The following SLC22A25 variants were observed in gnomAD, a reference collection of about 807,000 sequenced individuals.
SLC22A25 encodes solute carrier family 22 member 25.
SLC22A25 carries 44 observed loss-of-function variants against 45.9 expected under a neutral mutation model. The ratio of observed to expected loss-of-function variants is 0.96; its 90% CI spans 0.75 to 1.23. The LOEUF is 1.23. Among genes scored for constraint, SLC22A25 ranks in the 50% most tolerant of loss-of-function variants. The pLI is 0.00. For synonymous variants in SLC22A25, 283 were observed against 238.6 expected (o/e 1.19, Z -1.72); for missense variants, 800 against 666.4 (o/e 1.20, Z -2.21).
chr11:63,168,216 C>A (rs1288827248), intron 9 of SLC22A25, among the ~76,000 whole-genome samples: 1 of 152,126 alleles, frequency 6.6e-6, no homozygotes, highest in African/African-American at 2.4e-5. Context: ...GAGGAAAAAC[C>A]AGTGCAAAAA....
At chr11:63,230,881 A>G (rs1227323410) in intron 3 of SLC22A25, among the ~76,000 whole-genome samples, 2 of 151,888 alleles carry the variant, frequency 1.3e-5, no homozygotes, top group African/African-American at 4.8e-5. Context: ...ATTCCCACCT[A>G]TGAGTGAGAA....
rs1565073937 is a variant in SLC22A25 at position 63,180,705 on chromosome 11, CG to C, written c.1024del (p.Arg342AlafsTer15). ...QKKHSLCELLRIPNICKRICF... is the reference protein window; with the variant it reads ...QKKHSLCELLXIPNICKRICF... ...GATTCTTTTACATATGTTGGGTATGCGGAGCAATTCACAAAGAGAATGCTTT... is the reference window on the plus strand; with the variant it reads ...GATTCTTTTACATATGTTGGGTATGCGAGCAATTCACAAAGAGAATGCTTT... On this transcript the variant is annotated frameshift_variant, in exon 9 of 12. Coordinates refer to ENST00000306494, the MANE Select transcript of SLC22A25 (RefSeq NM_199352.6). LOFTEE classifies it high-confidence loss of function. 6.2e-7 allele frequency: 1 copy of C among 1,613,072 alleles called. No homozygotes were observed.
Position 63,227,269 on chromosome 11 carries a change from T to C in SLC22A25, c.506+1192A>G, listed in dbSNP as rs146330295. Reference sequence around the variant, plus strand: ...TGCTGGGCCACACCTGAAGTCAGCATATCTCGGAGTCTCTCCCAAGGTCAA... The same window carrying C: ...TGCTGGGCCACACCTGAAGTCAGCACATCTCGGAGTCTCTCCCAAGGTCAA... On this transcript the variant is annotated intron_variant, in intron 5 of 11. Coordinates refer to ENST00000306494, the MANE Select transcript of SLC22A25 (RefSeq NM_199352.6). Among the ~76,000 whole-genome samples, 75 of 152,254 alleles carry C rather than the reference T, an allele frequency of 4.9e-4. 5 individuals are homozygous for C. In the East Asian group the frequency reaches 0.013, roughly 27 times the overall value.
intron 7 of SLC22A25, among the ~76,000 whole-genome samples, chr11:63,202,634 A>G (rs2089282506): frequency 6.6e-6 from 1 of 152,216 alleles, no homozygotes; most frequent in African/African-American, 2.4e-5. Flanking sequence ...GGGCATCTCT[A>G]AAAGAAAGGA....
At chr11:63,193,754 CT>C (rs1188743701) in intron 7 of SLC22A25, among the ~76,000 whole-genome samples, 1 of 152,226 alleles carries the variant, frequency 6.6e-6, no homozygotes, top group Non-Finnish European at 1.5e-5. Context: ...AGTGCCTCTT[CT>C]CCTCCAAAGG....
chr11:63,226,837 T>C (rs932223642), intron 5 of SLC22A25, among the ~76,000 whole-genome samples: 5 of 152,228 alleles, frequency 3.3e-5, no homozygotes, highest in African/African-American at 1.2e-4. Context: ...CTACTGCAGC[T>C]AAGCTGCCAC....
rs1051586666 is a variant in SLC22A25 at position 63,238,827 on chromosome 11, C to A, written c.-687G>T. On this transcript the variant is annotated 5_prime_UTR_variant, in exon 2 of 12. Coordinates refer to ENST00000306494, the MANE Select transcript of SLC22A25 (RefSeq NM_199352.6). Reference sequence around the variant, plus strand: ...GGAATGTCCCATTCAGGTGAAGGAGCTGCCACTGGGGATGGATGAAGTGAC... The same window carrying A: ...GGAATGTCCCATTCAGGTGAAGGAGATGCCACTGGGGATGGATGAAGTGAC... 7.9e-6 allele frequency: 2 copies of A among 252,462 alleles called. No individual in the cohort carries two copies. Among genetic ancestry groups the A allele is most frequent in the Non-Finnish European group, 1.7e-5 (2 of 119,712 alleles). 15.6% of individuals were successfully genotyped at this position (252,462 alleles called of 1,614,324 possible).
Position 63,229,355 on chromosome 11 carries a change from G to T in SLC22A25, c.298C>A (p.His100Asn). The T allele has an allele frequency of 1.2e-6, 2 of 1,613,996 alleles. No individual in the cohort carries two copies. Among genetic ancestry groups the T allele is most frequent in the Non-Finnish European group, 8.5e-7 (1 of 1,179,906 alleles). The change falls in exon 4 of 12, where the codon CAT becomes AAT. Residue 100 changes from histidine to asparagine, a missense_variant. His to Asn is a moderately conservative substitution (Grantham distance 68). Transcript: ENST00000306494. ...RFVHPQWKLI[H>N]LNGTFPNTSE... is the part of the protein sequence containing the mutation. ...GTGTTGGGGAAGGTCCCATTCAGAT[G>T]AATGAGCTTCCACTGGGGATGGACA...
chr11:63,177,864 A>AATATATATAATGTATATATATAATAT (rs2088164451), intron 9 of SLC22A25, among the ~76,000 whole-genome samples: 3 of 31,082 alleles, frequency 9.7e-5, no homozygotes, highest in African/African-American at 3.2e-4. Flanking sequence ...GTATATATAT[A>AATATATATAATGTATATATATAATAT]ATATATATAA....
At chr11:63,181,966 T>C (rs2088342346) in intron 8 of SLC22A25, among the ~76,000 whole-genome samples, 1 of 152,078 alleles carries the variant, frequency 6.6e-6, no homozygotes, top group South Asian at 2.1e-4. Context: ...GAATGTTACG[T>C]ACTGAACTCG....
At chr11:63,178,736 A>C in intron 9 of SLC22A25, among the ~76,000 whole-genome samples, 1 of 151,774 alleles carries the variant, frequency 6.6e-6, no homozygotes, top group Non-Finnish European at 1.5e-5. Context: ...AATAGTTTGC[A>C]ATTTTTTTTC....
intron 7 of SLC22A25, among the ~76,000 whole-genome samples, chr11:63,189,852 T>G (rs979163054): frequency 3.9e-5 from 6 of 152,362 alleles, no homozygotes; most frequent in African/African-American, 1.4e-4. Flanking sequence ...TTCTTTTCTT[T>G]AAGAACGTTG....
rs1284578499 is a variant in SLC22A25 at position 63,233,554 on chromosome 11, CTA to C, written c.-444-3460_-444-3459del. 1.3e-5 allele frequency among the ~76,000 whole-genome samples: 2 copies of C among 152,268 alleles called. 1 individual carries two copies. Among genetic ancestry groups the C allele is most frequent in the East Asian group, 3.9e-4 (2 of 5,190 alleles). ...GTTCTTTATTAGTCCTGCTAGCAGT[CTA>C]TCAATTTTGTTGATCTTTTCAAAAA... On this transcript the variant is annotated intron_variant, in intron 3 of 11. Coordinates refer to ENST00000306494, the MANE Select transcript of SLC22A25 (RefSeq NM_199352.6).
At chr11:63,179,582 C>T in intron 9 of SLC22A25, among the ~76,000 whole-genome samples, 1 of 152,084 alleles carries the variant, frequency 6.6e-6, no homozygotes, top group East Asian at 1.9e-4. Context: ...ACCATGAGTC[C>T]TCTGATGTAG....
In SLC22A25 at chr11:63,161,359, T is replaced by C. The variant is rs2087531445; in HGVS notation, c.*2465A>G. Among the ~76,000 whole-genome samples the C allele has an allele frequency of 6.6e-6, 1 of 152,168 alleles. No homozygotes were observed. The highest frequency in any genetic ancestry group is 6.5e-5 in the Admixed American group (1 of 15,288). On this transcript the variant is annotated 3_prime_UTR_variant, in exon 12 of 12. Transcript: ENST00000306494. ...AATGAGTTAAAACTTTGGGGGACTGTTGGGAAGGCATGATTAGTTTTGAAA... is the reference window on the plus strand; with the variant it reads ...AATGAGTTAAAACTTTGGGGGACTGCTGGGAAGGCATGATTAGTTTTGAAA...
Position 63,229,744 on chromosome 11 carries a change from A to G in SLC22A25, c.-92T>C. The stretch of plus-strand genomic sequence containing the variant: ...ATATTTCCTTTCCTTAAATCACACT[A>G]AGTGTGTGTGTTGATCCTGACCCCA... On this transcript the variant is annotated 5_prime_UTR_variant, in exon 4 of 12. Transcript: ENST00000306494. The G allele has an allele frequency of 2.3e-6, 3 of 1,330,424 alleles. No homozygotes were observed. Among genetic ancestry groups the G allele is most frequent in the East Asian group, 4.9e-5 (2 of 40,800 alleles). The allele number at this position is 1,330,424 out of a possible 1,614,324, so 82.4% of individuals were successfully genotyped here.
intron 7 of SLC22A25, among the ~76,000 whole-genome samples, chr11:63,184,501 T>C (rs1590811887): frequency 6.6e-6 from 1 of 152,156 alleles, no homozygotes; most frequent in African/African-American, 2.4e-5. Context: ...GGAAGGGGTA[T>C]AGTTAATCAT....
At chr11:63,191,957 TCAGGAAATG>T (rs138178121) in intron 7 of SLC22A25, among the ~76,000 whole-genome samples, 5,468 of 152,198 alleles carry the variant, frequency 0.036, 326 homozygotes, top group African/African-American at 0.12. Flanking sequence ...ACATTCAAAT[TCAGGAAATG>T]CAGGAAATGC....
Position 63,159,232 on chromosome 11 carries a change from C to T in SLC22A25, c.*4592G>A, listed in dbSNP as rs567610503. On this transcript the variant is annotated 3_prime_UTR_variant, in exon 12 of 12. Transcript: ENST00000306494. Reference sequence around the variant, plus strand: ...TGCAACAAATGTGGGAGTGCAGATACGTCTTTGATATACTTATTTCCTTTC... The same window carrying T: ...TGCAACAAATGTGGGAGTGCAGATATGTCTTTGATATACTTATTTCCTTTC... 3.9e-5 allele frequency among the ~76,000 whole-genome samples: 6 copies of T among 152,126 alleles called. No individual in the cohort carries two copies. The highest frequency in any genetic ancestry group is 1.3e-4 in the Admixed American group (2 of 15,252).
Sources: gnomAD v4.1 joint callset for allele counts (sites outside exome capture counted in the v4.1 genomes callset) on GRCh38, gnomAD v4.1.1 for gene constraint, MANE v1.5 for transcripts, NCBI Gene and HGNC (gene_info 2026-07-23, HGNC 2026-07-21) for gene names.